Variants in MAPRE2 observed in about 807,000 individuals in gnomAD.
The protein encoded by MAPRE2 is microtubule associated protein RP/EB family member 2.
In MAPRE2, 13 loss-of-function variants were observed where a neutral mutation model predicts 43.2. That is an observed-to-expected ratio of 0.30 (90% confidence interval 0.20 to 0.48). The LOEUF is 0.48. Ranked by LOEUF, MAPRE2 falls within the 20% of genes least tolerant of loss-of-function variation. The pLI, the probability that MAPRE2 is intolerant of heterozygous loss-of-function variation, is 0.99. For synonymous variants in MAPRE2, 135 were observed against 148.8 expected, an observed-to-expected ratio of 0.91 and a Z score of 0.68; for missense variants, 161 against 400.2, an observed-to-expected ratio of 0.40 and a Z score of 5.10.
At chr18:35,082,635 C>G (rs968400239) in intron 2 of MAPRE2, among the ~76,000 whole-genome samples, 1 of 152,070 alleles carries the variant, frequency 6.6e-6, no homozygotes, top group African/African-American at 2.4e-5. Context: ...TGAGCTCTCT[C>G]TCTCTTTTCA....
At chr18:35,123,347 G>C (rs565001553) in intron 4 of MAPRE2, among the ~76,000 whole-genome samples, 7 of 152,300 alleles carry the variant, frequency 4.6e-5, no homozygotes, top group Admixed American at 1.3e-4. Context: ...CAGAACATGA[G>C]TGTGTCTGAT....
intron 4 of MAPRE2, among the ~76,000 whole-genome samples, chr18:35,104,084 G>T (rs1208830344): frequency 6.6e-6 from 1 of 152,140 alleles, no homozygotes; most frequent in African/African-American, 2.4e-5. Context: ...AACCAGAAGA[G>T]CTCAGCATCA....
At chr18:35,072,708 T>A (rs1044359006) in intron 2 of MAPRE2, among the ~76,000 whole-genome samples, 9 of 152,220 alleles carry the variant, frequency 5.9e-5, no homozygotes, top group Admixed American at 1.3e-4. Flanking sequence ...TATATGGTGA[T>A]CTTAAAGCAT....
chr18:35,011,209 T>C (rs2097034431), intron 2 of MAPRE2, among the ~76,000 whole-genome samples: 1 of 152,146 alleles, frequency 6.6e-6, no homozygotes, highest in South Asian at 2.1e-4. Flanking sequence ...CAGCAACAGC[T>C]AAGCCAGAAC....
At chr18:34,984,473 G>A (rs951714806) in intron 1 of MAPRE2, 6 of 151,568 alleles carry the variant, frequency 4.0e-5, no homozygotes, top group African/African-American at 1.5e-4. Flanking sequence ...TATAATTAAC[G>A]TAAGTTTTGA....
At position 35,138,289 on chromosome 18, in the gene MAPRE2, A is replaced by G. The variant is rs546258534; in HGVS notation, c.910-2006A>G. On this transcript the variant is annotated intron_variant, in intron 6 of 6. Coordinates refer to ENST00000300249, the MANE Select transcript of MAPRE2 (RefSeq NM_014268.4). ...TGCAATTAAGGAATTTGGGAGTGCA[A>G]GGGTCAGGAAGACACATGATGTGAT... is the stretch of plus-strand genomic sequence containing the variant. Among the ~76,000 whole-genome samples, 3 of 152,276 alleles carry G rather than the reference A, an allele frequency of 2.0e-5. No individual in the cohort carries two copies. The East Asian group carries it at 5.8e-4, about 29-fold the overall frequency.
intron 2 of MAPRE2, among the ~76,000 whole-genome samples, chr18:35,079,379 T>A (rs766356521): frequency 2.0e-5 from 3 of 152,240 alleles, no homozygotes; most frequent in Non-Finnish European, 4.4e-5. Flanking sequence ...TGTATTGCAG[T>A]AGCCATGCTA....
chr18:35,091,337 G>A (rs190644949), intron 2 of MAPRE2, among the ~76,000 whole-genome samples: 1 of 152,248 alleles, frequency 6.6e-6, no homozygotes, highest in African/African-American at 2.4e-5. Flanking sequence ...TGTATATGAA[G>A]CATAAACGAT....
intron 1 of MAPRE2, among the ~76,000 whole-genome samples, chr18:35,055,465 C>T (rs1168240966): frequency 6.6e-6 from 1 of 151,916 alleles, no homozygotes; most frequent in Non-Finnish European, 1.5e-5. Flanking sequence ...TCTGCAAAGA[C>T]CTTTTTCCAA....
chr18:35,122,789 C>T (rs1340706674), intron 4 of MAPRE2, among the ~76,000 whole-genome samples: 1 of 152,172 alleles, frequency 6.6e-6, no homozygotes, highest in Non-Finnish European at 1.5e-5. Flanking sequence ...GCCCTGGGGC[C>T]CTAGGCCACC....
intron 1 of MAPRE2, among the ~76,000 whole-genome samples, chr18:35,045,449 A>AC (rs1387877385): frequency 6.6e-6 from 1 of 152,100 alleles, no homozygotes; most frequent in Admixed American, 6.5e-5. Flanking sequence ...TACTTTAAAA[A>AC]AAAAAATTAC....
At chr18:35,095,099 A>G (rs1908340648) in intron 2 of MAPRE2, among the ~76,000 whole-genome samples, 1 of 152,188 alleles carries the variant, frequency 6.6e-6, no homozygotes, top group Non-Finnish European at 1.5e-5. Flanking sequence ...ATCATAGACA[A>G]AAATAAATTC....
chr18:35,003,410 C>T (rs2097030323), intron 1 of MAPRE2, among the ~76,000 whole-genome samples: 1 of 152,178 alleles, frequency 6.6e-6, no homozygotes, highest in African/African-American at 2.4e-5. Context: ...GGGCAAATTG[C>T]CCCACTACTC....
chr18:35,126,392 G>C (rs2144236097), intron 4 of MAPRE2, among the ~76,000 whole-genome samples: 1 of 152,262 alleles, frequency 6.6e-6, no homozygotes, highest in Non-Finnish European at 1.5e-5. Flanking sequence ...TTCTCAAGAA[G>C]CCCTTTTATT....
In MAPRE2 at chr18:34,985,884, T is replaced by C. The variant is rs951723146; in HGVS notation, c.-70+8805T>C. ...AAATATATAGCCTATTCTATACATG[T>C]AGCACTAATAGTTCTCTCCAAATTA... On this transcript the variant is annotated intron_variant, in intron 1 of 7. Transcript: ENST00000413393. 1.3e-4 allele frequency among the ~76,000 whole-genome samples: 19 copies of C among 151,060 alleles called. No individual in the cohort carries two copies. In the East Asian group the frequency reaches 3.7e-3, roughly 29 times the overall value.
Position 35,141,890 on chromosome 18 carries a change from A to T in MAPRE2, c.*1521A>T, listed in dbSNP as rs1910663608. On this transcript the variant is annotated 3_prime_UTR_variant, in exon 7 of 7. Transcript: ENST00000300249. ...TGAAATTTCTTTATTAATCGATGAA[A>T]TATGAATTCTAAATTCTAGCATTGA... 1 of 152,246 alleles carries T rather than the reference A, an allele frequency of 6.6e-6. No homozygotes were observed. The highest frequency in any genetic ancestry group is 2.1e-4 in the South Asian group (1 of 4,830). 9.4% of individuals were successfully genotyped at this position (152,246 alleles called of 1,614,324 possible).
chr18:35,004,816 G>A (rs2097031012), intron 1 of MAPRE2, among the ~76,000 whole-genome samples: 1 of 151,960 alleles, frequency 6.6e-6, no homozygotes, highest in Non-Finnish European at 1.5e-5. Flanking sequence ...TACTCGGGAG[G>A]CTGAGGAAGG....
intron 2 of MAPRE2, among the ~76,000 whole-genome samples, chr18:35,011,356 C>T (rs1329342426): frequency 6.6e-6 from 1 of 152,128 alleles, no homozygotes; most frequent in African/African-American, 2.4e-5. Context: ...GAAAGAGTAG[C>T]AGCTTCAAAG....
intron 1 of MAPRE2, among the ~76,000 whole-genome samples, chr18:35,064,431 T>C (rs568974758): frequency 6.6e-6 from 1 of 152,100 alleles, no homozygotes; most frequent in East Asian, 1.9e-4. Flanking sequence ...TGGCTGATAG[T>C]GTGTTTGCAA....
Sources: allele counts gnomAD v4.1 joint callset (sites outside exome capture counted in the v4.1 genomes callset), GRCh38; gene constraint gnomAD v4.1.1; transcripts MANE v1.5; gene names NCBI Gene and HGNC (gene_info 2026-07-23, HGNC 2026-07-21).